KLHL29: variants seen among roughly 807,000 people sequenced by gnomAD.
KLHL29 encodes kelch-like protein 29.
In KLHL29, 21 loss-of-function variants were observed where a neutral mutation model predicts 80.4. The ratio of observed to expected loss-of-function variants is 0.26; its 90% CI spans 0.19 to 0.38. The LOEUF (loss-of-function observed/expected upper bound fraction) is 0.38, where lower values mean the gene tolerates loss of function less well. Ranked by LOEUF, KLHL29 falls within the 10% of genes least tolerant of loss-of-function variation. The probability of loss-of-function intolerance (pLI) is 1.00; values close to 1 mark genes in which losing one functional copy is unlikely to be tolerated. For missense variants in KLHL29, 867 were observed against 1,223.9 expected (o/e 0.71, Z 4.35); for synonymous variants, 511 against 526.8 (o/e 0.97, Z 0.41).
intron 1 of KLHL29, among the ~76,000 whole-genome samples, chr2:23,386,300 T>C (rs535066828): frequency 1.1e-4 from 16 of 152,236 alleles, no homozygotes; most frequent in African/African-American, 3.6e-4. Flanking sequence ...TTTCTGCCCC[T>C]CGCGTCCTCT....
rs533426036 is a variant in KLHL29 at position 23,669,772 on chromosome 2, G to A, written c.941-14627G>A. On this transcript the variant is annotated intron_variant, in intron 5 of 13. Coordinates refer to ENST00000486442, the MANE Select transcript of KLHL29 (RefSeq NM_052920.2). This position sits in a 1 kb window ranked among gnomAD's most constrained non-coding sequence, Gnocchi z 4.3. ...AGAGCTGAGGCCCCCAGAACCCAGG[G>A]CTGCAGCCGAGTACACAGGCCTGGC... Among the ~76,000 whole-genome samples, 10 of 152,312 alleles carry A rather than the reference G, an allele frequency of 6.6e-5. No individual in the cohort carries two copies. The highest frequency in any genetic ancestry group is 5.9e-4 in the Admixed American group (9 of 15,306).
chr2:23,459,145 A>T (rs193241558), intron 1 of KLHL29, among the ~76,000 whole-genome samples: 1 of 152,270 alleles, frequency 6.6e-6, no homozygotes, highest in East Asian at 1.9e-4. Flanking sequence ...GCCTGATTAG[A>T]TGGTTACATC....
chr2:23,467,891 G>A (rs1664395482), intron 1 of KLHL29, among the ~76,000 whole-genome samples: 1 of 151,892 alleles, frequency 6.6e-6, no homozygotes, highest in East Asian at 1.9e-4. Context: ...TTCTGAGGAA[G>A]ACCCCTCTTC....
intron 2 of KLHL29, among the ~76,000 whole-genome samples, chr2:23,533,908 A>G (rs2103479534): frequency 6.6e-6 from 1 of 151,848 alleles, no homozygotes; most frequent in South Asian, 2.1e-4. Flanking sequence ...TATTTTAAAT[A>G]CATGAGACTT....
Position 23,642,531 on chromosome 2 carries a change from T to G in KLHL29, c.621T>G (p.Pro207=), listed in dbSNP as rs2149158644. 2 of 1,537,526 alleles carry G rather than the reference T, an allele frequency of 1.3e-6. No homozygotes were observed. Among genetic ancestry groups the G allele is most frequent in the East Asian group, 4.9e-5 (2 of 40,430 alleles). The change falls in exon 5 of 14, where the codon CCT becomes CCG. Residue 207 remains proline, a synonymous_variant. Coordinates refer to ENST00000486442, the MANE Select transcript of KLHL29 (RefSeq NM_052920.2). ...TGATGCCAGGCCACTACTCGCTCCCTCAGCCGCCCTCTCAGCCACTGAGCA... is the reference window on the plus strand; with the variant it reads ...TGATGCCAGGCCACTACTCGCTCCCGCAGCCGCCCTCTCAGCCACTGAGCA... ...LPLMPGHYSL[P]QPPSQPLSSV...
At chr2:23,641,389 G>A (rs370503951) in intron 4 of KLHL29, among the ~76,000 whole-genome samples, 1 of 152,056 alleles carries the variant, frequency 6.6e-6, no homozygotes, top group African/African-American at 2.4e-5. Flanking sequence ...CTTTCCATAC[G>A]TCCCCCACCA....
intron 3 of KLHL29, among the ~76,000 whole-genome samples, chr2:23,597,231 G>A (rs1302125146): frequency 6.7e-6 from 1 of 150,174 alleles, no homozygotes. Context: ...TTTCCTCTGG[G>A]CCAGGTTGCA....
chr2:23,467,932 T>C (rs1410264909), intron 1 of KLHL29, among the ~76,000 whole-genome samples: 1 of 151,476 alleles, frequency 6.6e-6, no homozygotes, highest in Non-Finnish European at 1.5e-5. Flanking sequence ...CCCACTTCTT[T>C]GGCGGGGTGG....
At chr2:23,526,120 C>A (rs1204496219) in intron 2 of KLHL29, among the ~76,000 whole-genome samples, 1 of 152,200 alleles carries the variant, frequency 6.6e-6, no homozygotes, top group African/African-American at 2.4e-5. Flanking sequence ...GAATAGGGAT[C>A]CCATCGTGAG....
intron 1 of KLHL29, among the ~76,000 whole-genome samples, chr2:23,409,821 G>A (rs1366316854): frequency 6.6e-6 from 1 of 152,364 alleles, no homozygotes; most frequent in South Asian, 2.1e-4. Flanking sequence ...TATGAAGGAA[G>A]ATGGTCAGTG....
chr2:23,684,815 C>T lies in KLHL29; in HGVS notation c.1079+278C>T, dbSNP rs1346837590. Among the ~76,000 whole-genome samples, 7 of 152,002 alleles carry T rather than the reference C, an allele frequency of 4.6e-5. No individual in the cohort carries two copies. Among genetic ancestry groups the T allele is most frequent in the Non-Finnish European group, 1.0e-4 (7 of 67,922 alleles). ...TGCCAGCAGTAGACAACACCGTGCC[C>T]CACCCCTGAGATCCCAGGTTCTCAG... On this transcript the variant is annotated intron_variant, in intron 6 of 13. Coordinates refer to ENST00000486442, the MANE Select transcript of KLHL29 (RefSeq NM_052920.2). This position sits in a 1 kb window ranked among gnomAD's most constrained non-coding sequence, Gnocchi z 4.4.
chr2:23,590,244 A>C (rs932224768), intron 3 of KLHL29, among the ~76,000 whole-genome samples: 2 of 151,902 alleles, frequency 1.3e-5, no homozygotes, highest in African/African-American at 4.8e-5. Flanking sequence ...CCCTGGGACC[A>C]GGGAGGGATG....
chr2:23,473,462 G>A (rs779164161), intron 1 of KLHL29, among the ~76,000 whole-genome samples: 1 of 152,134 alleles, frequency 6.6e-6, no homozygotes, highest in Non-Finnish European at 1.5e-5. Flanking sequence ...AAAAGTCCCA[G>A]AGAACTCAGC....
Position 23,691,845 on chromosome 2 carries a change from C to T in KLHL29, c.1251C>T (p.His417=). The T allele has an allele frequency of 1.3e-6, 2 of 1,551,280 alleles. No individual in the cohort carries two copies. Among genetic ancestry groups the T allele is most frequent in the South Asian group, 2.4e-5 (2 of 84,052 alleles). Residue 417 remains histidine, a synonymous_variant, in exon 7 of 14, where the codon CAC becomes CAT. Coordinates refer to ENST00000486442, the MANE Select transcript of KLHL29 (RefSeq NM_052920.2). The part of the protein sequence containing the change: ...LLEAASKFQF[H]TFCKVCVSFL... ...AGGCGGCCAGCAAGTTCCAGTTCCA[C>T]ACCTTCTGCAAAGTCTGCGTGTCCT...
intron 8 of KLHL29, among the ~76,000 whole-genome samples, chr2:23,694,531 C>T (rs571528968): frequency 1.3e-5 from 2 of 152,316 alleles, no homozygotes; most frequent in African/African-American, 4.8e-5. Context: ...TCAGTTGCCT[C>T]GTCGACTCCA....
At chr2:23,507,149 G>C (rs1665622318) in intron 2 of KLHL29, 1 of 430,188 alleles carries the variant, frequency 2.3e-6, no homozygotes, top group South Asian at 1.7e-5. Flanking sequence ...CCCAGCTGTT[G>C]GTGGCGCTCA....
intron 4 of KLHL29, among the ~76,000 whole-genome samples, chr2:23,641,566 A>T (rs954409251): frequency 6.6e-6 from 1 of 152,052 alleles, no homozygotes; most frequent in East Asian, 1.9e-4. Context: ...CATTCACCAC[A>T]TGCCAGACAC....
intron 1 of KLHL29, among the ~76,000 whole-genome samples, chr2:23,448,847 C>T (rs779512608): frequency 6.6e-6 from 1 of 152,130 alleles, no homozygotes; most frequent in Non-Finnish European, 1.5e-5. Flanking sequence ...CACCTCATTT[C>T]CTTAGCTTCT....
chr2:23,411,492 C>A (rs988545517), intron 1 of KLHL29, among the ~76,000 whole-genome samples: 6 of 149,246 alleles, frequency 4.0e-5, no homozygotes, highest in African/African-American at 1.5e-4. Context: ...GGGTTATGAC[C>A]TCTAAGCTGC....
Sources: gnomAD v4.1 joint callset for allele counts (sites outside exome capture counted in the v4.1 genomes callset) on GRCh38, gnomAD v4.1.1 for gene constraint, Gnocchi (gnomAD v3.1) non-coding constraint, MANE v1.5 for transcripts, NCBI Gene and HGNC (gene_info 2026-07-23, HGNC 2026-07-21) for gene names.